Variants in SLC16A7 observed in about 807,000 individuals in gnomAD.
SLC16A7 encodes monocarboxylate transporter 2.
Under a neutral mutation model 34.9 loss-of-function variants are expected in SLC16A7, and 33 were observed. The observed-to-expected ratio is 0.94, with a 90% confidence interval of 0.72 to 1.26. The LOEUF is 1.26. Among genes scored for constraint, SLC16A7 ranks in the 50% most tolerant of loss-of-function variants. The pLI, the probability that SLC16A7 is intolerant of heterozygous loss-of-function variation, is 0.00. For missense variants in SLC16A7, 573 were observed against 578.1 expected (o/e 0.99, Z 0.09); for synonymous variants, 201 against 206.6 (o/e 0.97, Z 0.23).
chr12:59,656,837 CAT>C (rs1868562040), intron 2 of SLC16A7, among the ~76,000 whole-genome samples: 1 of 152,014 alleles, frequency 6.6e-6, no homozygotes, highest in African/African-American at 2.4e-5. Flanking sequence ...CTTTTAGATA[CAT>C]AGTTTACTAA....
intron 3 of SLC16A7, among the ~76,000 whole-genome samples, chr12:59,743,343 T>C (rs758835590): frequency 6.6e-6 from 1 of 152,244 alleles, no homozygotes; most frequent in Non-Finnish European, 1.5e-5. Flanking sequence ...AAAAGATCAT[T>C]TAAATGCCTT....
At chr12:59,656,200 G>T (rs1264351226) in intron 2 of SLC16A7, among the ~76,000 whole-genome samples, 1 of 151,898 alleles carries the variant, frequency 6.6e-6, no homozygotes, top group East Asian at 1.9e-4. Context: ...ACAAATCTTG[G>T]TATATCTATG....
intron 5 of SLC16A7, 61 bp downstream of exon 5, chr12:59,775,536 CT>C: frequency 8.4e-7 from 1 of 1,188,170 alleles, no homozygotes; most frequent in Non-Finnish European, 1.2e-6. Flanking sequence ...TTAACGGAGA[CT>C]TTATATACAG....
intron 1 of SLC16A7, among the ~76,000 whole-genome samples, chr12:59,620,682 A>G (rs1296319952): frequency 6.6e-6 from 1 of 151,916 alleles, no homozygotes; most frequent in Non-Finnish European, 1.5e-5. Flanking sequence ...GAAATGATTG[A>G]GAGCCTGTGT....
At chr12:59,693,724 C>G (rs1272261336) in intron 2 of SLC16A7, among the ~76,000 whole-genome samples, 2 of 151,768 alleles carry the variant, frequency 1.3e-5, no homozygotes, top group Non-Finnish European at 2.9e-5. Flanking sequence ...TTCTGATGAA[C>G]AAGACCATCA....
chr12:59,739,476 C>T (rs750406636), intron 3 of SLC16A7, among the ~76,000 whole-genome samples: 1 of 139,976 alleles, frequency 7.1e-6, no homozygotes, highest in Non-Finnish European at 1.5e-5. Context: ...CAAGTCTTTG[C>T]TATTGTGAAT....
chr12:59,741,658 A>T (rs544277354), intron 3 of SLC16A7, among the ~76,000 whole-genome samples: 1 of 152,212 alleles, frequency 6.6e-6, no homozygotes. Flanking sequence ...GGAAACATCA[A>T]TTTGAATCTG....
rs1024005258 is a variant in SLC16A7 at position 59,780,892 on chromosome 12, C to G, written c.*1213C>G. 3 of 152,184 alleles carry G rather than the reference C, an allele frequency of 2.0e-5. No homozygotes were observed. The highest frequency in any genetic ancestry group is 7.2e-5 in the African/African-American group (3 of 41,442). 9.4% of individuals were successfully genotyped at this position (152,184 alleles called of 1,614,324 possible). ...TACAAACAGGCCTTGTGCTCAACCA[C>G]TGGAAATGCCTCCTGGGATAAGAAT... is the stretch of plus-strand genomic sequence containing the variant. On this transcript the variant is annotated 3_prime_UTR_variant, in exon 6 of 6. Transcript: ENST00000547379.
intron 1 of SLC16A7, among the ~76,000 whole-genome samples, chr12:59,631,846 T>A (rs1198626564): frequency 6.6e-6 from 1 of 151,932 alleles, no homozygotes; most frequent in Non-Finnish European, 1.5e-5. Context: ...GTAGAGATGG[T>A]TGGGAAAGTA....
intron 3 of SLC16A7, among the ~76,000 whole-genome samples, chr12:59,713,599 G>A (rs1874518432): frequency 6.6e-6 from 1 of 152,152 alleles, no homozygotes; most frequent in Admixed American, 6.5e-5. Flanking sequence ...TTTTTAAATG[G>A]TTAATCTAGA....
intron 1 of SLC16A7, among the ~76,000 whole-genome samples, chr12:59,611,352 A>G (rs1235007498): frequency 6.6e-6 from 1 of 152,220 alleles, no homozygotes; most frequent in Non-Finnish European, 1.5e-5. Flanking sequence ...TTATGCAATC[A>G]TCAGACCTTG....
At chr12:59,692,763 AT>A (rs1208204772) in intron 2 of SLC16A7, among the ~76,000 whole-genome samples, 6 of 152,012 alleles carry the variant, frequency 3.9e-5, no homozygotes, top group African/African-American at 1.4e-4. Flanking sequence ...TGTTACTGAC[AT>A]TTTGTGGTCT....
chr12:59,669,527 A>G (rs1466655981), intron 2 of SLC16A7, among the ~76,000 whole-genome samples: 2 of 152,052 alleles, frequency 1.3e-5, no homozygotes, highest in Non-Finnish European at 2.9e-5. Context: ...CTCAGTTTCC[A>G]TTTCAGATTA....
In SLC16A7 at chr12:59,764,476, T is replaced by TC. The variant is rs1185796371; in HGVS notation, c.218-6737dup. 1.1e-4 allele frequency among the ~76,000 whole-genome samples: 11 copies of TC among 103,622 alleles called. 1 individual carries two copies. In the East Asian group the frequency reaches 3.3e-3, roughly 32 times the overall value. The allele number at this position is 103,622 out of a possible 152,430, so 68.0% of individuals were successfully genotyped here. ...TAGGTATATCTCCTAATGCTATCCC[T>TC]CCCCCCTCCCCCTCCACCACAACAG... On this transcript the variant is annotated intron_variant, in intron 3 of 5. Transcript: ENST00000547379.
At chr12:59,654,243 TA>T (rs1868420671) in intron 1 of SLC16A7, among the ~76,000 whole-genome samples, 3 of 151,222 alleles carry the variant, frequency 2.0e-5, no homozygotes, top group African/African-American at 7.3e-5. Context: ...AGAGAAGAGT[TA>T]ATAGTTAATA....
At chr12:59,612,407 G>C (rs566325893) in intron 1 of SLC16A7, among the ~76,000 whole-genome samples, 2 of 152,278 alleles carry the variant, frequency 1.3e-5, no homozygotes, top group South Asian at 4.2e-4. Context: ...TGCATAGAGT[G>C]GGGGACCCTG....
At chr12:59,710,554 T>G (rs1874105624) in intron 3 of SLC16A7, among the ~76,000 whole-genome samples, 1 of 152,198 alleles carries the variant, frequency 6.6e-6, no homozygotes, top group Non-Finnish European at 1.5e-5. Context: ...ATCAGATAGT[T>G]ACTAAATGTT....
chr12:59,751,695 G>A (rs1401931750), intron 3 of SLC16A7, among the ~76,000 whole-genome samples: 2 of 152,224 alleles, frequency 1.3e-5, no homozygotes, highest in African/African-American at 4.8e-5. Flanking sequence ...AAACAAAAAA[G>A]ACAGCAGTAA....
chr12:59,605,078 C>G (rs1878874080), intron 1 of SLC16A7, among the ~76,000 whole-genome samples: 1 of 152,112 alleles, frequency 6.6e-6, no homozygotes, highest in Non-Finnish European at 1.5e-5. Context: ...GTATTGATCT[C>G]CTGACCTTTT....
Sources: gnomAD v4.1 joint callset for allele counts (sites outside exome capture counted in the v4.1 genomes callset) on GRCh38, gnomAD v4.1.1 for gene constraint, MANE v1.5 for transcripts, NCBI Gene and HGNC (gene_info 2026-07-23, HGNC 2026-07-21) for gene names.